The following SPRING1 variants were observed in gnomAD, a reference collection of about 807,000 sequenced individuals.
The protein encoded by SPRING1 is SREBP regulating gene protein.
SPRING1 carries 14 observed loss-of-function variants against 24.7 expected under a neutral mutation model. The observed-to-expected ratio is 0.57, with a 90% CI of 0.37 to 0.88. The LOEUF is 0.88. Among genes scored for constraint, SPRING1 ranks in the 40% least tolerant of loss-of-function variants. SPRING1 has a pLI of 0.00. For missense variants in SPRING1, 255 were observed against 268.4 expected (o/e 0.95, Z 0.35); for synonymous variants, 93 against 106.1 (o/e 0.88, Z 0.76).
rs76765052 is a variant in SPRING1, at chr12:116,718,347, G to C, written c.535-454C>G. On this transcript the variant is annotated intron_variant, in intron 4 of 4. Transcript: ENST00000261318. ...AAAGTTTATGTACCTAAAAATTTGG[G>C]GCATGAGCCAAATCCTACAATACCA... Among the ~76,000 whole-genome samples the C allele has an allele frequency of 2.4e-3, 359 of 152,294 alleles. 5 individuals carry two copies. Among genetic ancestry groups the C allele is most frequent in the Admixed American group, 0.015 (237 of 15,298 alleles).
Position 116,717,682 on chromosome 12 carries a change from G to C in SPRING1, c.*128C>G. 1.2e-6 allele frequency: 1 copy of C among 824,448 alleles called. No individual in the cohort carries two copies. The highest frequency in any genetic ancestry group is 1.8e-5 in the South Asian group (1 of 55,892). The allele number at this position is 824,448 out of a possible 1,614,324, so 51.1% of individuals were successfully genotyped here. On this transcript the variant is annotated 3_prime_UTR_variant, in exon 5 of 5. Transcript: ENST00000261318. This position sits in a 1 kb window ranked among gnomAD's most constrained non-coding sequence, Gnocchi z 4.2. ...GATGACAACACGAGAAGGGGTCAAA[G>C]CCAAGGTTTCCTCACGCTGCCTTTG...
chr12:116,736,039 TAAAAAAAAAAAA>T (rs34397599), intron 1 of SPRING1, among the ~76,000 whole-genome samples: 1 of 35,588 alleles, frequency 2.8e-5, no homozygotes, highest in African/African-American at 1.1e-4. Context: ...ACTCAGTCTT[TAAAAAAAAAAAA>T]AAAAAAAAAA....
rs542350784 is a variant in SPRING1 at position 116,713,758 on chromosome 12, G to A, written c.*4052C>T. 1 of 152,254 alleles carries A rather than the reference G, an allele frequency of 6.6e-6. No homozygotes were observed. Among genetic ancestry groups the A allele is most frequent in the South Asian group, 2.1e-4 (1 of 4,824 alleles). The allele number at this position is 152,254 out of a possible 1,614,324, so 9.4% of individuals were successfully genotyped here. ...TGTGGCCACACAAATGCATTACACA[G>A]GCCTCTATGTAACATAGGATATTCA... On this transcript the variant is annotated 3_prime_UTR_variant, in exon 5 of 5. Coordinates refer to ENST00000261318, the MANE Select transcript of SPRING1 (RefSeq NM_024738.4).
At chr12:116,725,614 C>G (rs749231358) in intron 1 of SPRING1, among the ~76,000 whole-genome samples, 241 of 152,282 alleles carry the variant, frequency 1.6e-3, no homozygotes, top group Non-Finnish European at 2.8e-3. Flanking sequence ...GGCCGGGCGC[C>G]ATGGCTCACA....
chr12:116,710,934 TC>T lies in SPRING1; in HGVS notation c.*6875del, dbSNP rs542165945. The T allele has an allele frequency of 4.3e-4, 65 of 152,206 alleles. No homozygotes were observed. The highest frequency in any genetic ancestry group is 1.4e-3 in the African/African-American group (60 of 41,542). The allele number at this position is 152,206 out of a possible 1,614,324, so 9.4% of individuals were successfully genotyped here. Reference sequence around the variant, plus strand: ...ACCAAAGCCGGAGAGGGTAATTTACTCAAGGTCATTAAGGTCAGTGCTCTTG... The same window carrying T: ...ACCAAAGCCGGAGAGGGTAATTTACTAAGGTCATTAAGGTCAGTGCTCTTG... On this transcript the variant is annotated 3_prime_UTR_variant, in exon 5 of 5. Transcript: ENST00000261318.
Position 116,717,888 on chromosome 12 carries a change from C to G in SPRING1, c.540G>C (p.Val180=), listed in dbSNP as rs1233439371. The G allele has an allele frequency of 6.2e-7, 1 of 1,603,206 alleles. No homozygotes were observed. The highest frequency in any genetic ancestry group is 1.1e-5 in the South Asian group (1 of 89,798). Residue 180 remains valine (V), a synonymous_variant, in exon 5 of 5, where the codon GTG becomes GTC. Transcript: ENST00000261318. The surrounding 1 kb of genome is among the most constrained non-coding windows in gnomAD (Gnocchi z 4.2). ...GGTCCCGGTAGGTGTTCTCATGCTG[C>G]ACGCTCTGTTGGCAAAAGGAAAATA... ...LAKCRTSSQS[V]QHENTYRDPI...
At chr12:116,721,353 T>C (rs562738974) in intron 2 of SPRING1, among the ~76,000 whole-genome samples, 9 of 152,290 alleles carry the variant, frequency 5.9e-5, no homozygotes, top group African/African-American at 2.2e-4. Flanking sequence ...GAGCAGCTGC[T>C]CCCCACATCA....
intron 1 of SPRING1, among the ~76,000 whole-genome samples, chr12:116,731,063 AG>A (rs1411494164): frequency 6.6e-6 from 1 of 152,264 alleles, no homozygotes; most frequent in Non-Finnish European, 1.5e-5. Flanking sequence ...ATATTTCTGT[AG>A]GCAGAACGTA....
chr12:116,718,479 T>G (rs1465869646), intron 4 of SPRING1, among the ~76,000 whole-genome samples: 2 of 152,258 alleles, frequency 1.3e-5, no homozygotes, highest in Non-Finnish European at 2.9e-5. Context: ...AACTTGGGTT[T>G]TTGGCTAGTC....
chr12:116,731,444 G>A (rs1057084042), intron 1 of SPRING1, among the ~76,000 whole-genome samples: 7 of 152,136 alleles, frequency 4.6e-5, no homozygotes, highest in Non-Finnish European at 1.0e-4. Context: ...AGTGGGTTAG[G>A]TTATTATAAA....
chr12:116,723,034 G>C (rs371364961), intron 2 of SPRING1, 33 bp downstream of exon 2: 1 of 1,611,690 alleles, frequency 6.2e-7, no homozygotes, highest in African/African-American at 1.3e-5. Flanking sequence ...CTACGCTCCT[G>C]ACCGCCTGGA....
At chr12:116,737,434 A>G (rs1399195439) in intron 1 of SPRING1, among the ~76,000 whole-genome samples, 1 of 149,618 alleles carries the variant, frequency 6.7e-6, no homozygotes, top group Non-Finnish European at 1.5e-5. Flanking sequence ...GGACGGAAGG[A>G]GGAAGGGAAG....
At chr12:116,736,287 C>T (rs914247979) in intron 1 of SPRING1, among the ~76,000 whole-genome samples, 3 of 152,222 alleles carry the variant, frequency 2.0e-5, no homozygotes, top group Admixed American at 1.3e-4. Context: ...AGGCAGAGGA[C>T]GGAGTCCTGG....
At position 116,716,473 on chromosome 12, in the gene SPRING1, G is replaced by C. The variant is rs1870136906; in HGVS notation, c.*1337C>G. 1 of 152,668 alleles carries C rather than the reference G, an allele frequency of 6.6e-6. No individual in the cohort carries two copies. Among genetic ancestry groups the C allele is most frequent in the South Asian group, 2.1e-4 (1 of 4,824 alleles). 9.5% of individuals were successfully genotyped at this position (152,668 alleles called of 1,614,324 possible). A position where few individuals can be genotyped will look rare whatever the true frequency, so the allele number is the denominator to read the frequency against. On this transcript the variant is annotated 3_prime_UTR_variant, in exon 5 of 5. Coordinates refer to ENST00000261318, the MANE Select transcript of SPRING1 (RefSeq NM_024738.4). ...CCTGAGGTTCGTGAGGAATATAGGAGAGTTGTGTGTTCACGTGACTCCTGA... is the reference window on the plus strand; with the variant it reads ...CCTGAGGTTCGTGAGGAATATAGGACAGTTGTGTGTTCACGTGACTCCTGA...
In SPRING1 at chr12:116,714,685, C is replaced by T. The variant is rs144250247; in HGVS notation, c.*3125G>A. The T allele has an allele frequency of 0.061, 9,259 of 151,506 alleles. 400 individuals carry two copies. Among genetic ancestry groups the T allele is most frequent in the Middle Eastern group, 0.1 (30 of 296 alleles). 9.4% of individuals were successfully genotyped at this position (151,506 alleles called of 1,614,324 possible). A position where few individuals can be genotyped will look rare whatever the true frequency, so the allele number is the denominator to read the frequency against. On this transcript the variant is annotated 3_prime_UTR_variant, in exon 5 of 5. Coordinates refer to ENST00000261318, the MANE Select transcript of SPRING1 (RefSeq NM_024738.4). The stretch of plus-strand genomic sequence containing the variant: ...TGGTGTACGCCTGTGATCCCAGCTA[C>T]TCAGGAGGCTGAGGCAGGAGAATTG...
intron 1 of SPRING1, among the ~76,000 whole-genome samples, chr12:116,723,800 C>T (rs1267434811): frequency 6.6e-6 from 1 of 152,112 alleles, no homozygotes; most frequent in Admixed American, 6.5e-5. Flanking sequence ...CTGTGAAGGA[C>T]CACTGAGTAT....
intron 1 of SPRING1, among the ~76,000 whole-genome samples, chr12:116,736,814 G>A (rs542418415): frequency 1.3e-5 from 2 of 152,290 alleles, no homozygotes; most frequent in East Asian, 3.9e-4. Flanking sequence ...AAATGAAAGG[G>A]TGCAGTGTGT....
intron 3 of SPRING1, 58 bp from the exon 4 acceptor site, chr12:116,719,934 T>G (rs1013806026): frequency 6.9e-7 from 1 of 1,439,416 alleles, no homozygotes; most frequent in African/African-American, 1.4e-5. Context: ...CAAGGTGACC[T>G]TGGCTATCTC....
At chr12:116,723,760 A>C (rs1870553160) in intron 1 of SPRING1, among the ~76,000 whole-genome samples, 1 of 152,180 alleles carries the variant, frequency 6.6e-6, no homozygotes, top group Non-Finnish European at 1.5e-5. Context: ...TTTAGGAGCA[A>C]AATGAAGCAT....
Sources: allele counts gnomAD v4.1 joint callset (sites outside exome capture counted in the v4.1 genomes callset), GRCh38; gene constraint gnomAD v4.1.1; non-coding constraint Gnocchi (gnomAD v3.1); transcripts MANE v1.5; gene names NCBI Gene and HGNC (gene_info 2026-07-23, HGNC 2026-07-21).